The following UBE2E2 variants were observed in gnomAD, a reference collection of about 807,000 sequenced individuals.
UBE2E2 encodes ubiquitin conjugating enzyme E2 E2, also known as ubiquitin-conjugating enzyme E2 E2.
UBE2E2 carries 6 observed loss-of-function variants against 24.7 expected under a neutral mutation model. The observed-to-expected ratio is 0.24, with a 90% CI of 0.13 to 0.48. The LOEUF (loss-of-function observed/expected upper bound fraction) is 0.48, where lower values mean the gene tolerates loss of function less well. Among genes scored for constraint, UBE2E2 ranks in the 20% least tolerant of loss-of-function variants. The probability of loss-of-function intolerance (pLI) is 0.99; values close to 1 mark genes in which losing one functional copy is unlikely to be tolerated. For synonymous variants in UBE2E2, 104 were observed against 83.6 expected (o/e 1.24, Z -1.33); for missense variants, 169 against 245.0 (o/e 0.69, Z 2.07).
intron 3 of UBE2E2, among the ~76,000 whole-genome samples, chr3:23,452,812 A>C (rs1371160931): frequency 1.3e-5 from 2 of 152,000 alleles, no homozygotes; most frequent in Non-Finnish European, 2.9e-5. Flanking sequence ...AATTTACTAC[A>C]AAATGCCTAT....
intron 3 of UBE2E2, among the ~76,000 whole-genome samples, chr3:23,312,064 G>A (rs1694416557): frequency 6.6e-6 from 1 of 152,024 alleles, no homozygotes. Flanking sequence ...GCCAGATCTG[G>A]TTGTTTAAAA....
Position 23,474,829 on chromosome 3 carries a change from C to T in UBE2E2, c.228-24779C>T, listed in dbSNP as rs983694115. Among the ~76,000 whole-genome samples, 8 of 151,938 alleles carry T rather than the reference C, an allele frequency of 5.3e-5. No individual in the cohort carries two copies. The highest frequency in any genetic ancestry group is 1.7e-4 in the African/African-American group (7 of 41,272). On this transcript the variant is annotated intron_variant, in intron 3 of 5. Transcript: ENST00000396703. The surrounding 1 kb of genome is among the most constrained non-coding windows in gnomAD (Gnocchi z 4.0). ...TCCTGTTTGGACATTTTGTATGCCC[C>T]GCCCTTCTTATCCCCCATTCACATT... is the stretch of plus-strand genomic sequence containing the variant.
At chr3:23,563,803 C>T (rs1695994785) in intron 5 of UBE2E2, among the ~76,000 whole-genome samples, 3 of 151,840 alleles carry the variant, frequency 2.0e-5, no homozygotes, top group Non-Finnish European at 2.9e-5. Flanking sequence ...ATATTATTTG[C>T]CCCAAGTAGT....
At chr3:23,265,773 G>A (rs1248139458) in intron 3 of UBE2E2, among the ~76,000 whole-genome samples, 1 of 152,142 alleles carries the variant, frequency 6.6e-6, no homozygotes, top group East Asian at 1.9e-4. Context: ...GTTATTGTGT[G>A]GGAGTCTAAG....
At chr3:23,460,647 A>AG (rs1698788853) in intron 3 of UBE2E2, among the ~76,000 whole-genome samples, 2 of 152,180 alleles carry the variant, frequency 1.3e-5, no homozygotes, top group East Asian at 3.8e-4. Context: ...AATTACAGAA[A>AG]GGAGAGATTA....
At chr3:23,489,729 G>T (rs1427556116) in intron 3 of UBE2E2, among the ~76,000 whole-genome samples, 2 of 152,142 alleles carry the variant, frequency 1.3e-5, no homozygotes, top group Non-Finnish European at 2.9e-5. Flanking sequence ...TTCCTAACAG[G>T]CCACGGACTG....
At chr3:23,425,744 G>A (rs759705453) in intron 3 of UBE2E2, among the ~76,000 whole-genome samples, 5 of 152,082 alleles carry the variant, frequency 3.3e-5, no homozygotes, top group Non-Finnish European at 7.4e-5. Context: ...CTAATCATAG[G>A]ACTATAGAAT....
intron 3 of UBE2E2, among the ~76,000 whole-genome samples, chr3:23,276,793 A>C (rs1698383473): frequency 6.6e-6 from 1 of 152,078 alleles, no homozygotes. Context: ...TTTTTGTGAA[A>C]TTTTATTTTT....
At chr3:23,527,534 G>T (rs761000761) in intron 4 of UBE2E2, among the ~76,000 whole-genome samples, 23 of 152,266 alleles carry the variant, frequency 1.5e-4, no homozygotes, top group Admixed American at 3.9e-4. Context: ...GTGACTGGTG[G>T]CTGGGGTCTC....
chr3:23,471,400 C>T (rs1406320893), intron 3 of UBE2E2, among the ~76,000 whole-genome samples: 2 of 152,092 alleles, frequency 1.3e-5, no homozygotes, highest in East Asian at 3.9e-4. Context: ...GGACAAACTG[C>T]CAACAACTAC....
At chr3:23,506,003 C>G (rs141349739) in intron 4 of UBE2E2, among the ~76,000 whole-genome samples, 17 of 152,264 alleles carry the variant, frequency 1.1e-4, no homozygotes, top group African/African-American at 4.1e-4. Context: ...CACAACTGCA[C>G]CCTTACTCTA....
chr3:23,376,117 C>T (rs998547777), intron 3 of UBE2E2, among the ~76,000 whole-genome samples: 3 of 152,004 alleles, frequency 2.0e-5, no homozygotes, highest in African/African-American at 7.2e-5. Context: ...AATGTATGTG[C>T]CATGTATATC....
At chr3:23,411,941 A>G (rs1697505219) in intron 3 of UBE2E2, among the ~76,000 whole-genome samples, 7 of 152,192 alleles carry the variant, frequency 4.6e-5, no homozygotes. Context: ...AGTACAAACG[A>G]AATCACAGTT....
chr3:23,322,300 G>A (rs994303866), intron 3 of UBE2E2, among the ~76,000 whole-genome samples: 8 of 152,134 alleles, frequency 5.3e-5, no homozygotes, highest in South Asian at 2.1e-4. Flanking sequence ...TGAAAGGGTC[G>A]GTAGGATACC....
intron 3 of UBE2E2, among the ~76,000 whole-genome samples, chr3:23,276,529 A>C (rs1698378316): frequency 6.6e-6 from 1 of 152,144 alleles, no homozygotes; most frequent in Admixed American, 6.6e-5. Flanking sequence ...AATATGCTTT[A>C]TAATGCTTTC....
rs180779933 is a variant in UBE2E2, at chr3:23,244,587, A to G, written c.227+27275A>G. Among the ~76,000 whole-genome samples the G allele has an allele frequency of 1.7e-3, 262 of 152,288 alleles. 3 individuals carry two copies. The highest frequency in any genetic ancestry group is 6.0e-3 in the African/African-American group (248 of 41,584). ...TCAAAGAGGAAAACGTACAGAGAAG[A>G]TTAGTAAATAACATAGCAATGTGTG... On this transcript the variant is annotated intron_variant, in intron 3 of 5. Transcript: ENST00000396703.
At chr3:23,545,808 T>G (rs1207104477) in intron 5 of UBE2E2, among the ~76,000 whole-genome samples, 2 of 152,170 alleles carry the variant, frequency 1.3e-5, no homozygotes, top group Non-Finnish European at 2.9e-5. Flanking sequence ...GTGATATGTA[T>G]ACACCATGGA....
chr3:23,256,219 T>A (rs1199071322), intron 3 of UBE2E2, among the ~76,000 whole-genome samples: 1 of 152,202 alleles, frequency 6.6e-6, no homozygotes, highest in Admixed American at 6.5e-5. Context: ...TTTTAGTGCA[T>A]TATGGGAAAG....
intron 3 of UBE2E2, among the ~76,000 whole-genome samples, chr3:23,300,446 G>T (rs1699042395): frequency 1.3e-5 from 2 of 152,090 alleles, no homozygotes; most frequent in South Asian, 2.1e-4. Context: ...CATGTTTAGT[G>T]CTTCCTTCAG....
Sources: allele counts gnomAD v4.1 joint callset (sites outside exome capture counted in the v4.1 genomes callset), GRCh38; gene constraint gnomAD v4.1.1; non-coding constraint Gnocchi (gnomAD v3.1); transcripts MANE v1.5; gene names NCBI Gene and HGNC (gene_info 2026-07-23, HGNC 2026-07-21).